The following COPS8 variants were observed in gnomAD, a reference collection of about 807,000 sequenced individuals.
COPS8 encodes the protein COP9 signalosome subunit 8, also known as COP9 signalosome complex subunit 8.
A neutral mutation model predicts 31.5 loss-of-function variants in COPS8; 11 were observed. That is an observed-to-expected ratio of 0.35 (90% confidence interval 0.22 to 0.58). The LOEUF (loss-of-function observed/expected upper bound fraction) is 0.58. Among genes scored for constraint, COPS8 ranks in the 20% least tolerant of loss-of-function variants. The probability of loss-of-function intolerance (pLI) is 0.83; values close to 1 mark genes in which losing one functional copy is unlikely to be tolerated. For missense variants in COPS8, 215 were observed against 255.1 expected (o/e 0.84, Z 1.07); for synonymous variants, 81 against 89.3 (o/e 0.91, Z 0.52).
At position 237,085,926 on chromosome 2, in the gene COPS8, G is replaced by A. The variant is rs373840415; in HGVS notation, c.-39G>A. ...ACGCCTGAGGGACAGTCTGGGGTTT[G>A]GCTGTCCGGACGGTGCAGCGGCGAG... On this transcript the variant is annotated 5_prime_UTR_variant, in exon 1 of 8. Coordinates refer to ENST00000354371, the MANE Select transcript of COPS8 (RefSeq NM_006710.5). 1.3e-6 allele frequency: 2 copies of A among 1,596,490 alleles called. No homozygotes were observed. Among genetic ancestry groups the A allele is most frequent in the Non-Finnish European group, 1.7e-6 (2 of 1,168,654 alleles).
At position 237,093,120 on chromosome 2, in the gene COPS8, CAGG is replaced by C. The variant is rs1214171592; in HGVS notation, c.332-966_332-964del. ...AGACTTAGGAATGGTAGAGAGCAGA[CAGG>C]AGGGCATTTCAGGCCACGGGATAGC... is the stretch of plus-strand genomic sequence containing the variant. On this transcript the variant is annotated intron_variant, in intron 4 of 7. Coordinates refer to ENST00000354371, the MANE Select transcript of COPS8 (RefSeq NM_006710.5). Among the ~76,000 whole-genome samples the C allele has an allele frequency of 9.9e-5, 15 of 152,100 alleles. 1 individual carries two copies. The highest frequency in any genetic ancestry group is 9.8e-4 in the Admixed American group (15 of 15,272).
chr2:237,088,991 A>T (rs751272286), intron 3 of COPS8, among the ~76,000 whole-genome samples: 1 of 152,202 alleles, frequency 6.6e-6, no homozygotes, highest in South Asian at 2.1e-4. Context: ...TGCTTCCTAT[A>T]ATGGTACTTA....
At chr2:237,089,752 A>G (rs1473213631) in intron 3 of COPS8, 110 bp from the exon 4 acceptor site, 1 of 1,063,906 alleles carries the variant, frequency 9.4e-7, no homozygotes, top group Non-Finnish European at 1.4e-6. Flanking sequence ...ATTAGGTTTT[A>G]ATGATGTAGC....
In COPS8 at chr2:237,098,738, T is replaced by C. The variant is rs1696846502; in HGVS notation, c.*996T>C. 6.6e-6 allele frequency: 1 copy of C among 152,366 alleles called. No individual in the cohort carries two copies. Among genetic ancestry groups the C allele is most frequent in the East Asian group, 1.9e-4 (1 of 5,190 alleles). 9.4% of individuals were successfully genotyped at this position (152,366 alleles called of 1,614,324 possible). A position where few individuals can be genotyped will look rare whatever the true frequency, so the allele number is the denominator to read the frequency against. ...TTCTGGAAATTTCACTCTCGATCTTTCTGTGGACACAATCTATTTTGTCAT... is the reference window on the plus strand; with the variant it reads ...TTCTGGAAATTTCACTCTCGATCTTCCTGTGGACACAATCTATTTTGTCAT... On this transcript the variant is annotated 3_prime_UTR_variant, in exon 8 of 8. Transcript: ENST00000354371.
intron 6 of COPS8, 54 bp from the exon 7 acceptor site, chr2:237,096,768 G>A (rs1696808047): frequency 7.2e-7 from 1 of 1,383,076 alleles, no homozygotes; most frequent in Non-Finnish European, 1.0e-6. Flanking sequence ...TTCTATGAAA[G>A]ATCTTTACAA....
At chr2:237,086,395 C>T (rs533986484) in intron 1 of COPS8, among the ~76,000 whole-genome samples, 2 of 152,136 alleles carry the variant, frequency 1.3e-5, no homozygotes, top group African/African-American at 4.8e-5. Context: ...TTGGTATACA[C>T]ACACACACTA....
At chr2:237,091,587 C>T (rs1347356467) in intron 4 of COPS8, among the ~76,000 whole-genome samples, 2 of 152,222 alleles carry the variant, frequency 1.3e-5, no homozygotes, top group African/African-American at 2.4e-5. Flanking sequence ...TTATTAGAAA[C>T]TTATTTTCTA....
chr2:237,087,047 T>A, intron 1 of COPS8, 80 bp from the exon 2 acceptor site: 1 of 877,392 alleles, frequency 1.1e-6, no homozygotes. Flanking sequence ...AAATATTATT[T>A]TAAAAATGAA....
chr2:237,086,706 G>A (rs891175980), intron 1 of COPS8: 12 of 784,306 alleles, frequency 1.5e-5, no homozygotes, highest in Middle Eastern at 6.6e-4. Flanking sequence ...CAACGCAGCT[G>A]TGGTGATTTT....
chr2:237,097,581 C>A, intron 7 of COPS8, 82 bp from the exon 8 acceptor site: 3 of 888,350 alleles, frequency 3.4e-6, no homozygotes, highest in South Asian at 1.5e-5. Context: ...AAATTGAAGG[C>A]ATTAGGGGAG....
intron 1 of COPS8, 45 bp downstream of exon 1, chr2:237,086,087 G>C: frequency 6.5e-7 from 1 of 1,546,650 alleles, no homozygotes; most frequent in Non-Finnish European, 8.9e-7. Flanking sequence ...AGTAGTCTTA[G>C]GCCCTGGGGC....
At chr2:237,094,974 A>G (rs1167563182) in intron 5 of COPS8, among the ~76,000 whole-genome samples, 1 of 152,088 alleles carries the variant, frequency 6.6e-6, no homozygotes, top group East Asian at 1.9e-4. Flanking sequence ...TCAAAAATAT[A>G]TATATATATC....
rs182533691 is a variant in COPS8, at chr2:237,098,629, G to C, written c.*887G>C. On this transcript the variant is annotated 3_prime_UTR_variant, in exon 8 of 8. Transcript: ENST00000354371. Reference sequence around the variant, plus strand: ...TTGAAGTTGTTTGTTGTAACTTAAGGTTATAACAGCCCTTAGTTCATTTAC... The same window carrying C: ...TTGAAGTTGTTTGTTGTAACTTAAGCTTATAACAGCCCTTAGTTCATTTAC... The C allele has an allele frequency of 3.2e-4, 48 of 152,172 alleles. No individual in the cohort carries two copies. The highest frequency in any genetic ancestry group is 2.4e-3 in the Admixed American group (36 of 15,288). The allele number at this position is 152,172 out of a possible 1,614,324, so 9.4% of individuals were successfully genotyped here. A position where few individuals can be genotyped will look rare whatever the true frequency, so the allele number is the denominator to read the frequency against.
At position 237,098,945 on chromosome 2, in the gene COPS8, C is replaced by G. The variant is rs1251433500; in HGVS notation, c.*1203C>G. The G allele has an allele frequency of 1.3e-5, 2 of 152,026 alleles. No individual in the cohort carries two copies. Among genetic ancestry groups the G allele is most frequent in the Non-Finnish European group, 2.9e-5 (2 of 67,992 alleles). The allele number at this position is 152,026 out of a possible 1,614,324, so 9.4% of individuals were successfully genotyped here. The stretch of plus-strand genomic sequence containing the variant: ...CGGATAGGTAAGTCATATTAAAATT[C>G]CTTGTTTTACAGTTGAGGAAATGGG... On this transcript the variant is annotated 3_prime_UTR_variant, in exon 8 of 8. Coordinates refer to ENST00000354371, the MANE Select transcript of COPS8 (RefSeq NM_006710.5).
chr2:237,095,773 TG>T (rs1240806015), intron 5 of COPS8, 48 bp from the exon 6 acceptor site: 1 of 1,256,716 alleles, frequency 8.0e-7, no homozygotes, highest in African/African-American at 1.5e-5. Context: ...GTGGATTTTG[TG>T]GGGTGTTTTA....
intron 4 of COPS8, among the ~76,000 whole-genome samples, chr2:237,091,712 A>AAC (rs1391932393): frequency 9.2e-5 from 14 of 152,334 alleles, no homozygotes; most frequent in African/African-American, 3.4e-4. Context: ...TTTTGCAGGA[A>AAC]ACAAGGGCTG....
intron 4 of COPS8, 42 bp downstream of exon 4, chr2:237,090,036 T>C (rs1574836529): frequency 6.2e-7 from 1 of 1,602,484 alleles, no homozygotes; most frequent in East Asian, 2.2e-5. Context: ...AGATGAGACT[T>C]AGTCCCTAAG....
rs76145272 is a variant in COPS8, at chr2:237,086,484, C to G, written c.78+442C>G. Among the ~76,000 whole-genome samples, 1,519 of 152,154 alleles carry G rather than the reference C, an allele frequency of 1.0e-2. 28 individuals are homozygous for G. The highest frequency in any genetic ancestry group is 0.035 in the African/African-American group (1,448 of 41,494). On this transcript the variant is annotated intron_variant, in intron 1 of 7. Transcript: ENST00000354371. ...TTTTTTTAACTCACAAAGCCTTTCT[C>G]GTAATGTTGTCAAGTTAGCTTGCCA...
intron 1 of COPS8, 117 bp from the exon 2 acceptor site, chr2:237,087,010 G>C (rs1251442392): frequency 1.5e-6 from 1 of 668,524 alleles, no homozygotes; most frequent in African/African-American, 1.8e-5. Context: ...AGACTAAAAA[G>C]GCTTACTTTT....
Sources: gnomAD v4.1 joint callset for allele counts (sites outside exome capture counted in the v4.1 genomes callset) on GRCh38, gnomAD v4.1.1 for gene constraint, MANE v1.5 for transcripts, NCBI Gene and HGNC (gene_info 2026-07-23, HGNC 2026-07-21) for gene names.